The following IKZF3 variants were observed in gnomAD, a reference collection of about 807,000 sequenced individuals.
The protein encoded by IKZF3 is IKAROS family zinc finger 3.
IKZF3 carries 10 observed loss-of-function variants against 49.0 expected under a neutral mutation model. That is an observed-to-expected ratio of 0.20 (90% CI 0.13 to 0.35). IKZF3 has a LOEUF of 0.35. IKZF3 is among the 10% of genes least tolerant of loss of function. IKZF3 has a pLI of 1.00. For missense variants in IKZF3, 498 were observed against 664.8 expected, an observed-to-expected ratio of 0.75 and a Z score of 2.76; for synonymous variants, 209 against 228.2, an observed-to-expected ratio of 0.92 and a Z score of 0.76.
At chr17:39,802,655 T>C (rs1454362941) in intron 3 of IKZF3, among the ~76,000 whole-genome samples, 1 of 147,732 alleles carries the variant, frequency 6.8e-6, no homozygotes, top group Non-Finnish European at 1.5e-5. Flanking sequence ...AATAGCCAGG[T>C]ATGGTAGAAT....
intron 1 of IKZF3, among the ~76,000 whole-genome samples, chr17:39,852,967 T>C (rs2062923787): frequency 6.6e-6 from 1 of 151,672 alleles, no homozygotes; most frequent in Non-Finnish European, 1.5e-5. Context: ...TGAGACTACA[T>C]CTCAAAAAAA....
intron 6 of IKZF3, among the ~76,000 whole-genome samples, chr17:39,786,276 T>G (rs561138429): frequency 6.6e-6 from 1 of 152,340 alleles, no homozygotes; most frequent in Admixed American, 6.5e-5. Flanking sequence ...AAAGTTCTGG[T>G]GAATTTTAAG....
intron 1 of IKZF3, among the ~76,000 whole-genome samples, chr17:39,838,990 C>T (rs2062384795): frequency 6.6e-6 from 1 of 152,048 alleles, no homozygotes; most frequent in African/African-American, 2.4e-5. Flanking sequence ...TGTGCCACCA[C>T]ATCTGGCTCT....
intron 3 of IKZF3, among the ~76,000 whole-genome samples, chr17:39,823,996 C>T (rs2061887112): frequency 6.6e-6 from 1 of 152,196 alleles, no homozygotes; most frequent in South Asian, 2.1e-4. Context: ...CTCCAGACCC[C>T]AGAAGGGTAG....
intron 1 of IKZF3, among the ~76,000 whole-genome samples, chr17:39,840,033 G>A (rs553190836): frequency 5.3e-5 from 8 of 152,236 alleles, no homozygotes; most frequent in African/African-American, 1.9e-4. Flanking sequence ...ACCTGTTGTG[G>A]GCAGCAGCTG....
intron 1 of IKZF3, chr17:39,835,998 TC>T: frequency 1.6e-6 from 1 of 636,256 alleles, no homozygotes; most frequent in Non-Finnish European, 2.9e-6. Context: ...GGACATGTTG[TC>T]CATGCTGCTC....
At chr17:39,818,136 T>G (rs904177074) in intron 3 of IKZF3, among the ~76,000 whole-genome samples, 2 of 152,194 alleles carry the variant, frequency 1.3e-5, no homozygotes, top group Non-Finnish European at 2.9e-5. Flanking sequence ...TGTAGGCAAC[T>G]GTAACACAAT....
chr17:39,821,995 G>C (rs1858184647), intron 3 of IKZF3, among the ~76,000 whole-genome samples: 1 of 152,142 alleles, frequency 6.6e-6, no homozygotes, highest in South Asian at 2.1e-4. Flanking sequence ...GCTCACTATG[G>C]AACAATCACA....
intron 1 of IKZF3, among the ~76,000 whole-genome samples, chr17:39,859,296 A>G (rs2063151870): frequency 1.3e-5 from 2 of 151,580 alleles, no homozygotes; most frequent in African/African-American, 4.8e-5. Flanking sequence ...CAATCTATAT[A>G]TATTATAAAT....
chr17:39,832,471 G>T (rs936623023), intron 1 of IKZF3, among the ~76,000 whole-genome samples: 7 of 150,304 alleles, frequency 4.7e-5, no homozygotes, highest in Non-Finnish European at 1.0e-4. Context: ...TGAACACATA[G>T]AAAAAAAGAG....
At chr17:39,856,374 G>A (rs972916587) in intron 1 of IKZF3, among the ~76,000 whole-genome samples, 1 of 151,890 alleles carries the variant, frequency 6.6e-6, no homozygotes, top group Non-Finnish European at 1.5e-5. Context: ...CTGCAACCTC[G>A]GCCTCGCAGG....
At chr17:39,817,412 A>G (rs1375839248) in intron 3 of IKZF3, among the ~76,000 whole-genome samples, 1 of 152,188 alleles carries the variant, frequency 6.6e-6, no homozygotes, top group Non-Finnish European at 1.5e-5. Flanking sequence ...ATTACCTTTA[A>G]AAGTATAATT....
intron 7 of IKZF3, among the ~76,000 whole-genome samples, chr17:39,772,899 TCTG>T: frequency 6.6e-6 from 1 of 152,294 alleles, no homozygotes; most frequent in East Asian, 1.9e-4. Flanking sequence ...TACTGCAACT[TCTG>T]CTTCCTGGGT....
intron 7 of IKZF3, 120 bp downstream of exon 7, chr17:39,777,531 A>G (rs1043886345): frequency 3.1e-6 from 2 of 645,424 alleles, no homozygotes; most frequent in African/African-American, 3.7e-5. Flanking sequence ...AAAGTACACA[A>G]TGAAAAACTA....
chr17:39,864,089 C>G (rs2063295904), intron 1 of IKZF3, 31 bp downstream of exon 1: 3 of 1,613,002 alleles, frequency 1.9e-6, no homozygotes, highest in Non-Finnish European at 2.5e-6. Context: ...TCTCAAAGAC[C>G]CCGGAGAAAA....
chr17:39,848,910 T>C (rs1328451485), intron 1 of IKZF3, among the ~76,000 whole-genome samples: 1 of 152,148 alleles, frequency 6.6e-6, no homozygotes, highest in Admixed American at 6.6e-5. Context: ...TTTAAACTCT[T>C]GGCCTTGAAT....
intron 1 of IKZF3, chr17:39,836,005 T>G: frequency 1.6e-6 from 1 of 637,434 alleles, no homozygotes; most frequent in South Asian, 1.5e-5. Flanking sequence ...TTGTCCATGC[T>G]GCTCCAAGCT....
intron 3 of IKZF3, among the ~76,000 whole-genome samples, chr17:39,795,611 T>G (rs1338116676): frequency 1.3e-5 from 2 of 151,778 alleles, no homozygotes; most frequent in Non-Finnish European, 2.9e-5. Context: ...TTCGCCATGT[T>G]GGCCAGGCTG....
In IKZF3 at chr17:39,759,279, G is replaced by C. The variant is rs1333544419; in HGVS notation, c.*6511C>G. On this transcript the variant is annotated 3_prime_UTR_variant, in exon 8 of 8. Transcript: ENST00000346872. Reference sequence around the variant, plus strand: ...AAAAGTACAAAAATTAGCTGGGTGTGGTGACCCACGCCTGTAGTCTCAGCT... The same window carrying C: ...AAAAGTACAAAAATTAGCTGGGTGTCGTGACCCACGCCTGTAGTCTCAGCT... The C allele has an allele frequency of 6.6e-6, 1 of 152,088 alleles. No homozygotes were observed. The highest frequency in any genetic ancestry group is 1.5e-5 in the Non-Finnish European group (1 of 68,044). The allele number at this position is 152,088 out of a possible 1,614,324, so 9.4% of individuals were successfully genotyped here.
Sources: gnomAD v4.1 joint callset for allele counts (sites outside exome capture counted in the v4.1 genomes callset) on GRCh38, gnomAD v4.1.1 for gene constraint, MANE v1.5 for transcripts, NCBI Gene and HGNC (gene_info 2026-07-23, HGNC 2026-07-21) for gene names.